Variants in MYLK3 observed in about 807,000 individuals in gnomAD.
MYLK3 encodes myosin light chain kinase 3.
Under a neutral mutation model 76.3 loss-of-function variants are expected in MYLK3, and 55 were observed. The ratio of observed to expected loss-of-function variants is 0.72; its 90% CI spans 0.58 to 0.90. The LOEUF (loss-of-function observed/expected upper bound fraction) is 0.90. Ranked by LOEUF, MYLK3 falls within the 40% of genes least tolerant of loss-of-function variation. The pLI is 0.00. For synonymous variants in MYLK3, 416 were observed against 425.4 expected (o/e 0.98, Z 0.27); for missense variants, 973 against 1,053.6 (o/e 0.92, Z 1.06).
rs369679573 is a variant in MYLK3 at position 46,729,127 on chromosome 16, C to T, written c.1669G>A (p.Val557Met). 1.2e-5 allele frequency: 19 copies of T among 1,613,728 alleles called. No individual in the cohort carries two copies. The highest frequency in any genetic ancestry group is 3.3e-5 in the Admixed American group (2 of 59,990). The change falls in exon 7 of 13, where the codon GTG (valine) becomes ATG (methionine). Residue 557 changes from valine (V) to methionine (M), a missense_variant. Around this residue, in one of 2 missense-constraint regions of MYLK3, gnomAD observed 332 missense variants for 416.6 expected, o/e 0.80. Coordinates refer to ENST00000394809, the MANE Select transcript of MYLK3 (RefSeq NM_182493.3). The stretch of plus-strand genomic sequence containing the variant: ...TTCATGATGTTGATCTCGTTCTTCA[C>T]GTCCTCCTTGGGGGAACCAGAGGAC... ...KVKSAKDRED[V>M]KNEINIMNQL...
chr16:46,710,081 T>C (rs1030701032), intron 11 of MYLK3, among the ~76,000 whole-genome samples: 4 of 152,154 alleles, frequency 2.6e-5, no homozygotes, highest in African/African-American at 4.8e-5. Context: ...TTTTTTTTCC[T>C]CTCACATAAC....
chr16:46,750,563 G>A (rs575823400), upstream of MYLK3, among the ~76,000 whole-genome samples: 39 of 152,308 alleles, frequency 2.6e-4, no homozygotes, highest in African/African-American at 7.7e-4. Flanking sequence ...GCATGATGGC[G>A]TGCACCTATA....
At chr16:46,747,545 G>C (rs993141614) in intron 1 of MYLK3, among the ~76,000 whole-genome samples, 172 bp downstream of exon 1, 1 of 152,200 alleles carries the variant, frequency 6.6e-6, no homozygotes, top group Non-Finnish European at 1.5e-5. Context: ...GGCAGTGTCC[G>C]GACTGGAAAT....
rs1596740126 is a variant in MYLK3 at position 46,702,574 on chromosome 16, G to T, written c.*5130C>A. On this transcript the variant is annotated 3_prime_UTR_variant, in exon 13 of 13. Transcript: ENST00000394809. ...ATCTTTTTATTGCTTGCTCAAATCAGGGTCAACACAAGGTTCACACTTGAC... is the reference window on the plus strand; with the variant it reads ...ATCTTTTTATTGCTTGCTCAAATCATGGTCAACACAAGGTTCACACTTGAC... Among the ~76,000 whole-genome samples, 1 of 152,130 alleles carries T rather than the reference G, an allele frequency of 6.6e-6. No individual in the cohort carries two copies. Among genetic ancestry groups the T allele is most frequent in the Non-Finnish European group, 1.5e-5 (1 of 68,020 alleles).
At chr16:46,748,453 G>A, upstream of MYLK3, 1 of 518,546 alleles carries the variant, frequency 1.9e-6, no homozygotes, top group East Asian at 3.3e-5. The surrounding 1 kb of genome is among the most constrained non-coding windows in gnomAD (Gnocchi z 4.3). Context: ...TTCTCCTTGG[G>A]GCCCCTTTGA....
chr16:46,754,347 C>T (rs1967170175), intron 1 of MYLK3, among the ~76,000 whole-genome samples: 1 of 151,902 alleles, frequency 6.6e-6, no homozygotes, highest in Non-Finnish European at 1.5e-5. Context: ...GAGAATTTGT[C>T]CCCTTCAAAA....
intron 1 of MYLK3, among the ~76,000 whole-genome samples, chr16:46,741,768 CA>C (rs1290270695): frequency 1.1e-5 from 1 of 94,148 alleles, no homozygotes; most frequent in African/African-American, 4.1e-5. Context: ...GTTGGGCTTG[CA>C]ATTTTTTTTT....
Position 46,706,124 on chromosome 16 carries a change from A to C in MYLK3, c.*1580T>G, listed in dbSNP as rs987000783. 6.6e-6 allele frequency: 1 copy of C among 152,100 alleles called. No individual in the cohort carries two copies. The highest frequency in any genetic ancestry group is 2.4e-5 in the African/African-American group (1 of 41,406). The allele number at this position is 152,100 out of a possible 1,614,324, so 9.4% of individuals were successfully genotyped here. Reference sequence around the variant, plus strand: ...GGGTTAGGAGTGCCTACCCCCTTGCAGTAGAAAATCTGAGTATAACTTTTG... The same window carrying C: ...GGGTTAGGAGTGCCTACCCCCTTGCCGTAGAAAATCTGAGTATAACTTTTG... On this transcript the variant is annotated 3_prime_UTR_variant, in exon 13 of 13. Coordinates refer to ENST00000394809, the MANE Select transcript of MYLK3 (RefSeq NM_182493.3).
rs542482681 is a variant in MYLK3 at position 46,731,614 on chromosome 16, T to A, written c.1462+594A>T. Among the ~76,000 whole-genome samples the A allele has an allele frequency of 2.0e-5, 3 of 152,222 alleles. No homozygotes were observed. In the East Asian group the frequency reaches 5.8e-4, roughly 29 times the overall value. ...ACCAAGGAGGGTGTGACCCTAGGGC[T>A]GGAGGGGTTGAGGGCTTTTAGATCA... On this transcript the variant is annotated intron_variant, in intron 4 of 12. Transcript: ENST00000394809.
At chr16:46,750,455 G>A (rs760246042), upstream of MYLK3, among the ~76,000 whole-genome samples, 16 of 152,228 alleles carry the variant, frequency 1.1e-4, no homozygotes, top group Non-Finnish European at 2.2e-4. Context: ...CAGCACTTTG[G>A]GAGGCCAAAG....
intron 10 of MYLK3, chr16:46,711,807 T>C (rs149492197): frequency 6.2e-4 from 166 of 266,470 alleles, no homozygotes; most frequent in African/African-American, 3.4e-3. Flanking sequence ...TAAGAATTAG[T>C]GTATAAATAC....
upstream of MYLK3, among the ~76,000 whole-genome samples, chr16:46,752,755 C>T (rs1967142953): frequency 6.6e-6 from 1 of 152,080 alleles, no homozygotes; most frequent in African/African-American, 2.4e-5. Context: ...GTGGCATGTG[C>T]CTGTCATCCC....
chr16:46,729,086 C>G lies in MYLK3; in HGVS notation c.1710G>C (p.Val570=), dbSNP rs1369824357. Residue 570 remains valine, a synonymous_variant, in exon 7 of 13, where the codon GTG becomes GTC. Transcript: ENST00000394809. ...AGGCGTCATAGAGCTGGATCAGGTT[C>G]ACGTGGCTGAGCTGGTTCATGATGT... ...EINIMNQLSH[V]NLIQLYDAFE... The G allele has an allele frequency of 1.2e-6, 2 of 1,614,168 alleles. No homozygotes were observed. Among genetic ancestry groups the G allele is most frequent in the Admixed American group, 3.3e-5 (2 of 60,012 alleles).
chr16:46,713,091 T>C (rs1966700919), intron 9 of MYLK3, among the ~76,000 whole-genome samples: 1 of 152,136 alleles, frequency 6.6e-6, no homozygotes, highest in Non-Finnish European at 1.5e-5. Context: ...GGGAAGTTAT[T>C]ATTTAATGGG....
At chr16:46,713,977 G>A (rs1052293909) in intron 9 of MYLK3, among the ~76,000 whole-genome samples, 1 of 152,164 alleles carries the variant, frequency 6.6e-6, no homozygotes, top group Non-Finnish European at 1.5e-5. Context: ...TCCACTGATG[G>A]ACACTAGGTG....
At chr16:46,729,786 T>G (rs1188889583) in intron 5 of MYLK3, 99 bp from the exon 6 acceptor site, 1 of 1,013,278 alleles carries the variant, frequency 9.9e-7, no homozygotes, top group Non-Finnish European at 1.5e-6. Flanking sequence ...ACAGGCCATG[T>G]GGACCATCCT....
intron 1 of MYLK3, chr16:46,757,336 G>A (rs1967213586): frequency 1.0e-6 from 1 of 976,268 alleles, no homozygotes; most frequent in African/African-American, 1.8e-5. Flanking sequence ...GGGAACAACT[G>A]TCACCAGGTC....
chr16:46,737,675 C>A (rs777624368), intron 3 of MYLK3, 36 bp downstream of exon 3: 1 of 1,559,562 alleles, frequency 6.4e-7, no homozygotes, highest in South Asian at 1.2e-5. Flanking sequence ...CACAGTCCAT[C>A]CCCTCCCTCA....
At chr16:46,736,529 A>G (rs1390926161) in intron 3 of MYLK3, among the ~76,000 whole-genome samples, 1 of 152,076 alleles carries the variant, frequency 6.6e-6, no homozygotes, top group Admixed American at 6.5e-5. Flanking sequence ...GGCCCCTAAC[A>G]ACTTCATAGA....
Sources: gnomAD v4.1 joint callset for allele counts (sites outside exome capture counted in the v4.1 genomes callset) on GRCh38, gnomAD v4.1.1 for gene constraint, gnomAD v4.1.1 regional missense constraint, Gnocchi (gnomAD v3.1) non-coding constraint, MANE v1.5 for transcripts, NCBI Gene and HGNC (gene_info 2026-07-23, HGNC 2026-07-21) for gene names.